Variants in HAL observed in about 807,000 individuals in gnomAD.
HAL encodes histidine ammonia-lyase, also known as histidase.
In HAL, 85 loss-of-function variants were observed where a neutral mutation model predicts 81.1. That is an observed-to-expected ratio of 1.05 (90% CI 0.88 to 1.25). The LOEUF is 1.25. Among genes scored for constraint, HAL ranks in the 50% most tolerant of loss-of-function variants. HAL has a pLI of 0.00. For missense variants in HAL, 798 were observed against 836.6 expected (o/e 0.95, Z 0.57); for synonymous variants, 301 against 309.2 (o/e 0.97, Z 0.28).
chr12:95,974,133 T>G lies in HAL; in HGVS notation c.*99A>C. On this transcript the variant is annotated 3_prime_UTR_variant, in exon 21 of 21. Coordinates refer to ENST00000261208, the MANE Select transcript of HAL (RefSeq NM_002108.4). ...TAGAAGAACTGAATGATACAATGGATTGATCTACCTAGGAAAGTTCTCAGG... is the reference window on the plus strand; with the variant it reads ...TAGAAGAACTGAATGATACAATGGAGTGATCTACCTAGGAAAGTTCTCAGG... 1 of 1,015,218 alleles carries G rather than the reference T, an allele frequency of 9.9e-7. No homozygotes were observed. Among genetic ancestry groups the G allele is most frequent in the Non-Finnish European group, 1.6e-6 (1 of 634,452 alleles). The allele number at this position is 1,015,218 out of a possible 1,614,324, so 62.9% of individuals were successfully genotyped here. A position where few individuals can be genotyped will look rare whatever the true frequency, so the allele number is the denominator to read the frequency against.
chr12:95,973,823 T>TAAA lies in HAL; in HGVS notation c.*406_*408dup, dbSNP rs71307533. The TAAA allele has an allele frequency of 0.12, 17,854 of 150,216 alleles. 1,648 individuals carry two copies. Among genetic ancestry groups the TAAA allele is most frequent in the African/African-American group, 0.28 (10,710 of 38,434 alleles). 9.3% of individuals were successfully genotyped at this position (150,216 alleles called of 1,614,324 possible). On this transcript the variant is annotated 3_prime_UTR_variant, in exon 21 of 21. Transcript: ENST00000261208. ...GGTGGAGAGCTTGTTGAAGCAAATT[T>TAAA]AAAAAAAAAAAAAAAGGTTAACAAA...
chr12:95,980,474 A>C (rs1008542062), intron 17 of HAL, 82 bp downstream of exon 17: 5 of 1,333,234 alleles, frequency 3.8e-6, no homozygotes, highest in Non-Finnish European at 5.4e-6. Flanking sequence ...TCACTCACAG[A>C]CCACATTTGA....
At chr12:95,977,218 C>A (rs1030382132) in intron 18 of HAL, among the ~76,000 whole-genome samples, 3 of 152,032 alleles carry the variant, frequency 2.0e-5, no homozygotes, top group South Asian at 2.1e-4. Flanking sequence ...AAATTGCTTC[C>A]AGGTCCACCG....
At chr12:95,982,609 T>C (rs766681904) in intron 15 of HAL, among the ~76,000 whole-genome samples, 2 of 152,082 alleles carry the variant, frequency 1.3e-5, no homozygotes, top group Non-Finnish European at 2.9e-5. Context: ...CTGAGGCTTA[T>C]TTAGTGTGGG....
At chr12:95,981,744 G>A (rs2080797430) in intron 15 of HAL, among the ~76,000 whole-genome samples, 1 of 152,204 alleles carries the variant, frequency 6.6e-6, no homozygotes, top group Non-Finnish European at 1.5e-5. Flanking sequence ...ACAGGTGTGA[G>A]CCACCAAACC....
At chr12:95,975,530 A>T (rs1319652789) in intron 20 of HAL, among the ~76,000 whole-genome samples, 6 of 150,012 alleles carry the variant, frequency 4.0e-5, no homozygotes, top group Non-Finnish European at 8.9e-5. Flanking sequence ...ATTTTTTTTT[A>T]AATTGAATGA....
In HAL at chr12:95,993,476, G is replaced by A; in HGVS notation, c.564C>T (p.Val188=). 6.2e-7 allele frequency: 1 copy of A among 1,602,804 alleles called. No individual in the cohort carries two copies. The highest frequency in any genetic ancestry group is 8.5e-7 in the Non-Finnish European group (1 of 1,169,616). The part of the protein sequence containing the change: ...IPINKLQELQ[V]NLVRSHSSGV... ...CTGAAGAATGTGAGCGTACTAAGTT[G>A]ACCTGAAGCTCCCTGCAACAGAAAG... The change falls in exon 8 of 21, where the codon GTC becomes GTT. Residue 188 remains valine (V), a synonymous_variant. Coordinates refer to ENST00000261208, the MANE Select transcript of HAL (RefSeq NM_002108.4).
In HAL at chr12:95,993,933, C is replaced by T; in HGVS notation, c.477G>A (p.Glu159=). The stretch of plus-strand genomic sequence containing the variant: ...ATAAAGATAAAAAGATACCTGTTTT[C>T]TCTTTTATGATGCTATCTATGACCT... ...SREVIDSIIK[E]KTVVYGITTG... The change falls in exon 6 of 21, where the codon GAG becomes GAA. Residue 159 remains glutamate (E), a synonymous_variant. Coordinates refer to ENST00000261208, the MANE Select transcript of HAL (RefSeq NM_002108.4). 1 of 1,582,456 alleles carries T rather than the reference C, an allele frequency of 6.3e-7. No homozygotes were observed. The highest frequency in any genetic ancestry group is 8.7e-7 in the Non-Finnish European group (1 of 1,151,324).
chr12:95,993,902 T>C, intron 6 of HAL, 24 bp downstream of exon 6: 1 of 1,507,890 alleles, frequency 6.6e-7, no homozygotes, highest in East Asian at 2.3e-5. Flanking sequence ...TAAAAATATT[T>C]ATAACATAAA....
chr12:95,974,700 G>A (rs1315675006), intron 20 of HAL, among the ~76,000 whole-genome samples: 1 of 152,050 alleles, frequency 6.6e-6, no homozygotes, highest in Non-Finnish European at 1.5e-5. Flanking sequence ...TTGCTCCAGG[G>A]TCTTAACAGT....
chr12:95,993,515 T>A, intron 7 of HAL, 27 bp from the exon 8 acceptor site: 2 of 1,480,158 alleles, frequency 1.4e-6, no homozygotes, highest in Middle Eastern at 1.7e-4. Flanking sequence ...AAAACCCTCT[T>A]AGATACATTG....
At chr12:95,990,034 T>C (rs1287579711) in intron 10 of HAL, 2 of 354,982 alleles carry the variant, frequency 5.6e-6, no homozygotes, top group Non-Finnish European at 1.1e-5. Flanking sequence ...GTAAGTGCTA[T>C]GAGCCATACC....
chr12:95,981,370 TC>T (rs2080793539), intron 15 of HAL, among the ~76,000 whole-genome samples: 1 of 152,232 alleles, frequency 6.6e-6, no homozygotes, highest in Non-Finnish European at 1.5e-5. Context: ...TAATCTGGTG[TC>T]AGCGTTCAAC....
In HAL at chr12:95,977,979, C is replaced by T. The variant is rs2080743496; in HGVS notation, c.1619G>A (p.Arg540Lys). Reference protein sequence around the residue: ...DHVSMGGWAARKALRVIEHVE... With the variant: ...DHVSMGGWAAKKALRVIEHVE... The stretch of plus-strand genomic sequence containing the variant: ...ATGCTCGATGACCCTGAGGGCTTTC[C>T]TTGCTGCCCATCCTCCCATGGAGAC... The change falls in exon 18 of 21, where the codon AGG becomes AAG. Residue 540 changes from arginine to lysine, a missense_variant. Transcript: ENST00000261208. 6.2e-7 allele frequency: 1 copy of T among 1,614,186 alleles called. No homozygotes were observed.
Position 95,973,926 on chromosome 12 carries a change from G to A in HAL, c.*306C>T. The stretch of plus-strand genomic sequence containing the variant: ...CATCTAATGCTAAGAGTAAAAAACA[G>A]GCACATACAATTGTGGTTATTCTTC... On this transcript the variant is annotated 3_prime_UTR_variant, in exon 21 of 21. Coordinates refer to ENST00000261208, the MANE Select transcript of HAL (RefSeq NM_002108.4). 1 of 317,538 alleles carries A rather than the reference G, an allele frequency of 3.1e-6. No individual in the cohort carries two copies. The highest frequency in any genetic ancestry group is 5.8e-6 in the Non-Finnish European group (1 of 171,720). 19.7% of individuals were successfully genotyped at this position (317,538 alleles called of 1,614,324 possible).
At chr12:95,982,605 C>A (rs537724982) in intron 15 of HAL, among the ~76,000 whole-genome samples, 9 of 151,996 alleles carry the variant, frequency 5.9e-5, no homozygotes, top group Non-Finnish European at 1.3e-4. Context: ...ATTTCTGAGG[C>A]TTATTTAGTG....
chr12:95,992,550 C>A, intron 9 of HAL, 130 bp downstream of exon 9: 1 of 816,166 alleles, frequency 1.2e-6, no homozygotes. Context: ...TTTTTGCCAA[C>A]GGCATTTCCC....
Position 95,974,104 on chromosome 12 carries a change from G to A in HAL, c.*128C>T. 1 of 864,348 alleles carries A rather than the reference G, an allele frequency of 1.2e-6. No homozygotes were observed. 53.5% of individuals were successfully genotyped at this position (864,348 alleles called of 1,614,324 possible). On this transcript the variant is annotated 3_prime_UTR_variant, in exon 21 of 21. Coordinates refer to ENST00000261208, the MANE Select transcript of HAL (RefSeq NM_002108.4). Reference sequence around the variant, plus strand: ...ACTGCCATCAGCCTAACCAACGTAGGCTTTAGAAGAACTGAATGATACAAT... The same window carrying A: ...ACTGCCATCAGCCTAACCAACGTAGACTTTAGAAGAACTGAATGATACAAT...
At chr12:95,977,642 CAAAAAAAAAAA>C (rs60410496) in intron 18 of HAL, among the ~76,000 whole-genome samples, 3 of 99,926 alleles carry the variant, frequency 3.0e-5, no homozygotes, top group South Asian at 3.2e-4. Flanking sequence ...GATCCTGCCT[CAAAAAAAAAAA>C]AAAAAAAAGA....
Sources: gnomAD v4.1 joint callset for allele counts (sites outside exome capture counted in the v4.1 genomes callset) on GRCh38, gnomAD v4.1.1 for gene constraint, MANE v1.5 for transcripts, NCBI Gene and HGNC (gene_info 2026-07-23, HGNC 2026-07-21) for gene names.